Variants in WWOX observed in about 807,000 individuals in gnomAD.
The protein encoded by WWOX is WW domain containing oxidoreductase, also known as WW domain-containing oxidoreductase.
A neutral mutation model predicts 46.2 loss-of-function variants in WWOX; 69 were observed. That is an observed-to-expected ratio of 1.49 (90% CI 1.23 to 1.82). WWOX has a LOEUF of 1.82. Among genes scored for constraint, WWOX ranks in the 40% most tolerant of loss-of-function variants. The pLI is 0.00. For missense variants in WWOX, 919 were observed against 542.6 expected, an observed-to-expected ratio of 1.69 and a Z score of -6.89; for synonymous variants, 359 against 202.6, an observed-to-expected ratio of 1.77 and a Z score of -6.56.
At chr16:78,120,792 C>A (rs963525309) in intron 4 of WWOX, among the ~76,000 whole-genome samples, 1 of 152,092 alleles carries the variant, frequency 6.6e-6, no homozygotes, top group Non-Finnish European at 1.5e-5. Context: ...CAAATTTTAC[C>A]AGTTCTACGT....
In WWOX at chr16:78,606,446, GAAGA is replaced by G. The variant is rs545981659; in HGVS notation, c.1056+173705_1056+173708del. On this transcript the variant is annotated intron_variant, in intron 8 of 8. Coordinates refer to ENST00000566780, the MANE Select transcript of WWOX (RefSeq NM_016373.4). Reference sequence around the variant, plus strand: ...GCTTTTCAGAAGTTGATGACCAAGAGAAGAAAGAAAGAAAAAAAAAAGGGTGCTT... The same window carrying G: ...GCTTTTCAGAAGTTGATGACCAAGAGAAGAAAGAAAAAAAAAAGGGTGCTT... Among the ~76,000 whole-genome samples the G allele has an allele frequency of 2.9e-3, 438 of 151,438 alleles. 2 individuals are homozygous for G. The highest frequency in any genetic ancestry group is 5.0e-3 in the Non-Finnish European group (337 of 67,886).
chr16:79,150,043 A>C (rs1291739365), intron 8 of WWOX, among the ~76,000 whole-genome samples: 1 of 152,224 alleles, frequency 6.6e-6, no homozygotes, highest in Non-Finnish European at 1.5e-5. Flanking sequence ...CTGGTCAAAT[A>C]CGTTCTTCTC....
At chr16:78,514,032 C>T (rs2085429604) in intron 8 of WWOX, among the ~76,000 whole-genome samples, 1 of 151,692 alleles carries the variant, frequency 6.6e-6, no homozygotes, top group African/African-American at 2.4e-5. Flanking sequence ...TCACAATTTT[C>T]TTTATATAGT....
chr16:79,073,395 G>A (rs2048589038), intron 8 of WWOX, among the ~76,000 whole-genome samples: 2 of 152,074 alleles, frequency 1.3e-5, no homozygotes, highest in Admixed American at 6.5e-5. Context: ...GGCCAGGCTG[G>A]TCTCAAACTC....
At chr16:78,780,711 G>C (rs901384072) in intron 8 of WWOX, among the ~76,000 whole-genome samples, 1 of 152,176 alleles carries the variant, frequency 6.6e-6, no homozygotes, top group Non-Finnish European at 1.5e-5. Context: ...GAACGGAAGT[G>C]CAGGGTCCCT....
chr16:78,535,939 G>T (rs1032054583), intron 8 of WWOX, among the ~76,000 whole-genome samples: 3 of 152,132 alleles, frequency 2.0e-5, no homozygotes, highest in African/African-American at 7.2e-5. Context: ...GAGGTTCTGC[G>T]CACAAAATTC....
intron 8 of WWOX, among the ~76,000 whole-genome samples, chr16:79,043,298 G>GT (rs2048006692): frequency 7.0e-6 from 1 of 142,962 alleles, no homozygotes; most frequent in African/African-American, 2.6e-5. Context: ...GAATAGAGGT[G>GT]GTGGCATGGT....
chr16:79,052,613 G>A (rs1175227814), intron 8 of WWOX, among the ~76,000 whole-genome samples: 1 of 152,166 alleles, frequency 6.6e-6, no homozygotes, highest in Non-Finnish European at 1.5e-5. Context: ...TAGCCAGTCG[G>A]AACAAATACA....
intron 8 of WWOX, among the ~76,000 whole-genome samples, chr16:79,087,101 G>A (rs932106719): frequency 5.9e-5 from 9 of 152,220 alleles, no homozygotes; most frequent in African/African-American, 2.2e-4. Flanking sequence ...TAAGGATGGA[G>A]ATGGGAATTG....
chr16:78,538,218 CAAAAAAAAAAAAAAA>C (rs67413792), intron 8 of WWOX, among the ~76,000 whole-genome samples: 5 of 60,034 alleles, frequency 8.3e-5, no homozygotes, highest in Admixed American at 4.9e-4. Flanking sequence ...TCACTCACAC[CAAAAAAAAAAAAAAA>C]AAAAAAAAAA....
chr16:78,470,799 G>A (rs1339965876), intron 8 of WWOX, among the ~76,000 whole-genome samples: 4 of 152,010 alleles, frequency 2.6e-5, no homozygotes, highest in African/African-American at 9.7e-5. Flanking sequence ...AAAGTGCTGG[G>A]ATTACAGTCA....
chr16:78,943,217 C>T (rs907297797), intron 8 of WWOX, among the ~76,000 whole-genome samples: 1 of 152,110 alleles, frequency 6.6e-6, no homozygotes, highest in African/African-American at 2.4e-5. Context: ...CAAATAACCT[C>T]TTCCTTTTTC....
chr16:78,668,172 C>T (rs541149091), intron 8 of WWOX, among the ~76,000 whole-genome samples: 3 of 152,070 alleles, frequency 2.0e-5, no homozygotes, highest in Admixed American at 1.3e-4. Context: ...CCCAGCTACT[C>T]GGGAGGCTGG....
intron 8 of WWOX, among the ~76,000 whole-genome samples, chr16:79,080,759 G>A (rs1026739867): frequency 1.3e-5 from 2 of 152,154 alleles, no homozygotes; most frequent in African/African-American, 4.8e-5. Context: ...TTGAAGCCAG[G>A]AGTTTGAGAC....
At chr16:78,168,844 A>C (rs2035058755) in intron 5 of WWOX, among the ~76,000 whole-genome samples, 1 of 152,212 alleles carries the variant, frequency 6.6e-6, no homozygotes, top group African/African-American at 2.4e-5. Flanking sequence ...GTATATTAAG[A>C]ACCTATATGT....
intron 8 of WWOX, among the ~76,000 whole-genome samples, chr16:78,770,976 G>A (rs2142519063): frequency 6.6e-6 from 1 of 152,338 alleles, no homozygotes; most frequent in Non-Finnish European, 1.5e-5. Context: ...CTAAAAAGGT[G>A]ACATTTGGAG....
chr16:78,436,357 C>T (rs182878870), intron 8 of WWOX, among the ~76,000 whole-genome samples: 207 of 152,280 alleles, frequency 1.4e-3, no homozygotes, highest in African/African-American at 4.6e-3. Context: ...CCAACCTGCA[C>T]GTCTCATTTG....
At chr16:78,612,445 T>C (rs1056184633) in intron 8 of WWOX, among the ~76,000 whole-genome samples, 7 of 152,320 alleles carry the variant, frequency 4.6e-5, no homozygotes, top group South Asian at 2.1e-4. Context: ...TCTCTGCAGG[T>C]GCGGGTGGCT....
At chr16:78,376,471 T>C (rs933191467) in intron 5 of WWOX, among the ~76,000 whole-genome samples, 2 of 152,208 alleles carry the variant, frequency 1.3e-5, no homozygotes, top group African/African-American at 2.4e-5. Context: ...TTATATGTTA[T>C]CAACTTCTGT....
Sources: gnomAD v4.1 joint callset for allele counts (sites outside exome capture counted in the v4.1 genomes callset) on GRCh38, gnomAD v4.1.1 for gene constraint, MANE v1.5 for transcripts, NCBI Gene and HGNC (gene_info 2026-07-23, HGNC 2026-07-21) for gene names.